Variants in CFAP92 observed in about 807,000 individuals in gnomAD.
CFAP92 encodes the protein uncharacterized protein CFAP92.
CFAP92 carries 86 observed loss-of-function variants against 106.3 expected under a neutral mutation model. That is an observed-to-expected ratio of 0.81 (90% confidence interval 0.68 to 0.97). The LOEUF (loss-of-function observed/expected upper bound fraction) is 0.97. Ranked by LOEUF, CFAP92 falls within the 50% of genes least tolerant of loss-of-function variation. The pLI is 0.00. For synonymous variants in CFAP92, 477 were observed against 506.4 expected (o/e 0.94, Z 0.78); for missense variants, 1,204 against 1,283.8 (o/e 0.94, Z 0.95).
rs113637615 is a variant in CFAP92 at position 128,942,679 on chromosome 3, CT to C, written c.2258+2391del. ...TTTGCTACACACCACAAAACTCAAT[CT>C]TTTTTTTTTTTTGAGATGGAATCTT... is the stretch of plus-strand genomic sequence containing the variant. On this transcript the variant is annotated intron_variant, in intron 10 of 15. Transcript: ENST00000645291. 7.0e-3 allele frequency among the ~76,000 whole-genome samples: 1,025 copies of C among 146,326 alleles called. 7 individuals are homozygous for C. Among genetic ancestry groups the C allele is most frequent in the African/African-American group, 0.019 (757 of 40,084 alleles).
upstream of CFAP92, chr3:128,994,180 C>CCGCGGGGCGGGGCTT: frequency 2.0e-6 from 2 of 984,468 alleles, no homozygotes; most frequent in South Asian, 9.4e-5. Context: ...GGGCGGGGCT[C>CCGCGGGGCGGGGCTT]CGCGGGGCGG....
At position 128,917,262 on chromosome 3, in the gene CFAP92, G is replaced by A. The variant is rs75546738; in HGVS notation, c.2752-991C>T. 1.9e-3 allele frequency among the ~76,000 whole-genome samples: 286 copies of A among 152,316 alleles called. 3 individuals carry two copies. The East Asian group carries it at 0.03, about 16-fold the overall frequency. On this transcript the variant is annotated intron_variant, in intron 12 of 15. Coordinates refer to ENST00000645291, the MANE Select transcript of CFAP92 (RefSeq NM_001394090.1). ...TGTCCAGTTTTTCTAGTTGTCCTTA[G>A]TGGGGGAGTTGATCTGAGTTTCTCA...
chr3:129,014,625 A>C, the CFAP92 span, among the ~76,000 whole-genome samples: 8 of 152,330 alleles, frequency 5.3e-5, no homozygotes, highest in East Asian at 1.5e-3. This position sits in a 1 kb window ranked among gnomAD's most constrained non-coding sequence, Gnocchi z 4.3. Flanking sequence ...GGGTCTGGAC[A>C]TCAACATATG....
Position 128,932,957 on chromosome 3 carries a change from C to A in CFAP92, c.2494G>T (p.Val832Leu), listed in dbSNP as rs559767534. The change falls in exon 12 of 16, where the codon GTG (valine) becomes TTG (leucine). Residue 832 changes from valine to leucine, a missense_variant. Transcript: ENST00000645291. The stretch of plus-strand genomic sequence containing the variant: ...GAGGGCAGCAGGTCCCTCACCGTCA[C>A]GTCCCAGAGGGTGGTGCTGTTATAG... ...ICYNSTTLWD[V>L]TVRDLLPSSA... 1 of 1,536,126 alleles carries A rather than the reference C, an allele frequency of 6.5e-7. No individual in the cohort carries two copies. The highest frequency in any genetic ancestry group is 2.0e-5 in the Admixed American group (1 of 50,996).
chr3:128,971,479 C>A (rs1942791231), intron 7 of CFAP92, 46 bp from the exon 8 acceptor site: 1 of 1,453,094 alleles, frequency 6.9e-7, no homozygotes, highest in African/African-American at 1.4e-5. Flanking sequence ...GAGACTGTAT[C>A]TGAGCTGCCA....
chr3:129,001,630 T>G, intron 1 of CFAP92: 1 of 1,358,116 alleles, frequency 7.4e-7, no homozygotes, highest in Non-Finnish European at 9.4e-7. Flanking sequence ...GGCGCAGCGA[T>G]GGAGCCGGTC....
intron 9 of CFAP92, among the ~76,000 whole-genome samples, chr3:128,953,588 T>C (rs1466382186): frequency 2.6e-4 from 30 of 114,308 alleles, no homozygotes; most frequent in African/African-American, 1.5e-3. Flanking sequence ...CCTCTCCCTC[T>C]CCCTCTCCCT....
intron 10 of CFAP92, among the ~76,000 whole-genome samples, 199 bp from the exon 11 acceptor site, chr3:128,935,518 C>G (rs1042771646): frequency 6.6e-6 from 1 of 152,108 alleles, no homozygotes; most frequent in East Asian, 1.9e-4. Context: ...TCGAGACCAG[C>G]CTGACGAACA....
upstream of CFAP92, chr3:129,003,940 G>A: frequency 2.1e-6 from 3 of 1,403,200 alleles, no homozygotes; most frequent in Non-Finnish European, 2.8e-6. Context: ...AGGCCGAGGT[G>A]CGGCGGCGCG....
rs1943274073 is a variant in CFAP92, at chr3:128,978,082, T to C, written c.771A>G (p.Lys257=). 1 of 1,614,012 alleles carries C rather than the reference T, an allele frequency of 6.2e-7. No individual in the cohort carries two copies. The highest frequency in any genetic ancestry group is 1.1e-5 in the South Asian group (1 of 91,080). Residue 257 remains lysine (K), a synonymous_variant, in exon 5 of 16, where the codon AAA becomes AAG. Transcript: ENST00000645291. ...TTGGGTGTTTTTCTGTTTTTTCTTG[T>C]TTTCCTGGCGGATGTTCCTGGTTCG... ...EESNQEHPPG[K]QEKTEKHPKS... is the part of the protein sequence containing the mutation.
At chr3:128,933,663 A>G (rs968034901) in intron 11 of CFAP92, among the ~76,000 whole-genome samples, 2 of 152,222 alleles carry the variant, frequency 1.3e-5, no homozygotes, top group Admixed American at 1.3e-4. Flanking sequence ...CCTCAGACAG[A>G]AATAAAGCCA....
Position 128,916,227 on chromosome 3 carries a change from C to T in CFAP92, c.2796G>A (p.Lys932=), listed in dbSNP as rs141171202. 1.2e-4 allele frequency: 152 copies of T among 1,232,122 alleles called. No homozygotes were observed. The African/African-American group carries it at 2.0e-3, about 16-fold the overall frequency. 76.3% of individuals were successfully genotyped at this position (1,232,122 alleles called of 1,614,324 possible). ...AAATTTTAATCACCTTCGCCACGGA[C>T]TTCGGAGGCTTCTTGCTGACCTGGT... ...EAYQVSKKPP[K]SVAKVIKISA... Residue 932 remains lysine, a synonymous_variant, in exon 13 of 16, where the codon AAG becomes AAA. Coordinates refer to ENST00000645291, the MANE Select transcript of CFAP92 (RefSeq NM_001394090.1).
intron 2 of CFAP92, chr3:128,991,939 G>A: frequency 3.1e-6 from 3 of 957,594 alleles, no homozygotes; most frequent in Non-Finnish European, 3.7e-6. Context: ...GACTTGGTTT[G>A]GCCAATAAAA....
chr3:128,910,256 G>C lies in CFAP92; in HGVS notation c.*43C>G. On this transcript the variant is annotated 3_prime_UTR_variant, in exon 16 of 16. Coordinates refer to ENST00000645291, the MANE Select transcript of CFAP92 (RefSeq NM_001394090.1). ...GGTGTGGTCGGGTGTGGGGGAGGCT[G>C]TGCAGGTTCACCATGCGGTGGCCGT... 6.4e-7 allele frequency: 1 copy of C among 1,563,662 alleles called. No homozygotes were observed. Among genetic ancestry groups the C allele is most frequent in the Non-Finnish European group, 8.6e-7 (1 of 1,157,280 alleles).
chr3:128,956,870 C>T (rs1040854470), intron 9 of CFAP92, among the ~76,000 whole-genome samples: 2 of 151,090 alleles, frequency 1.3e-5, no homozygotes, highest in African/African-American at 2.4e-5. Flanking sequence ...ATCCCAGCTA[C>T]TCAGGAGGCT....
chr3:128,938,057 C>G (rs1007243768), intron 10 of CFAP92, among the ~76,000 whole-genome samples: 2 of 131,678 alleles, frequency 1.5e-5, no homozygotes, highest in African/African-American at 6.8e-5. Flanking sequence ...GCGTGAGACT[C>G]TGTTTCAAAC....
chr3:128,998,552 T>C (rs116392080), upstream of CFAP92, among the ~76,000 whole-genome samples: 6,017 of 152,220 alleles, frequency 0.04, 305 homozygotes, highest in African/African-American at 0.11. Context: ...AGGCTGATAA[T>C]ACCACAAGCT....
intron 9 of CFAP92, 119 bp downstream of exon 9, chr3:128,965,392 C>A (rs72977152): frequency 0.01 from 4,157 of 397,268 alleles, 146 homozygotes; most frequent in African/African-American, 0.074. Flanking sequence ...CACACGGACC[C>A]GTATGAGAAT....
intron 12 of CFAP92, among the ~76,000 whole-genome samples, chr3:128,923,524 C>T (rs1373918366): frequency 1.3e-5 from 2 of 152,180 alleles, no homozygotes; most frequent in Non-Finnish European, 2.9e-5. Context: ...GAAGAAGTTG[C>T]AGAAGATGGA....
Sources: gnomAD v4.1 joint callset for allele counts (sites outside exome capture counted in the v4.1 genomes callset) on GRCh38, gnomAD v4.1.1 for gene constraint, Gnocchi (gnomAD v3.1) non-coding constraint, MANE v1.5 for transcripts, NCBI Gene and HGNC (gene_info 2026-07-23, HGNC 2026-07-21) for gene names.